Variants in PKNOX2 observed in about 807,000 individuals in gnomAD.
The protein encoded by PKNOX2 is homeobox protein PKNOX2.
In PKNOX2, 14 loss-of-function variants were observed where a neutral mutation model predicts 53.1. That is an observed-to-expected ratio of 0.26 (90% CI 0.17 to 0.41). The LOEUF (loss-of-function observed/expected upper bound fraction) is 0.41. PKNOX2 is among the 10% of genes least tolerant of loss of function. The probability of loss-of-function intolerance (pLI) is 1.00; values close to 1 mark genes in which losing one functional copy is unlikely to be tolerated. For synonymous variants in PKNOX2, 257 were observed against 242.8 expected, an observed-to-expected ratio of 1.06 and a Z score of -0.54; for missense variants, 496 against 602.8, an observed-to-expected ratio of 0.82 and a Z score of 1.85.
At chr11:125,318,273 A>AT (rs906412845) in intron 2 of PKNOX2, among the ~76,000 whole-genome samples, 5,671 of 133,356 alleles carry the variant, frequency 0.043, 194 homozygotes, top group African/African-American at 0.083. Flanking sequence ...TGCCTGGCTA[A>AT]TTTTTTTTTT....
At chr11:125,410,400 G>C in intron 8 of PKNOX2, 75 bp downstream of exon 8, 3 of 1,587,444 alleles carry the variant, frequency 1.9e-6, no homozygotes, top group Non-Finnish European at 1.7e-6. Flanking sequence ...GGCGGTTCCA[G>C]GGGTGGGGGT....
chr11:125,323,560 A>C (rs1377939693), intron 2 of PKNOX2, among the ~76,000 whole-genome samples: 1 of 152,236 alleles, frequency 6.6e-6, no homozygotes, highest in Non-Finnish European at 1.5e-5. Flanking sequence ...TGGTCATCAC[A>C]GGAGGAAATA....
chr11:125,349,648 T>G (rs1276229683), intron 3 of PKNOX2, among the ~76,000 whole-genome samples: 1 of 151,702 alleles, frequency 6.6e-6, no homozygotes, highest in East Asian at 1.9e-4. Flanking sequence ...TAGCCATGCC[T>G]CATTCATCTG....
At chr11:125,406,006 A>T (rs1185323803) in intron 7 of PKNOX2, among the ~76,000 whole-genome samples, 3 of 152,200 alleles carry the variant, frequency 2.0e-5, no homozygotes, top group African/African-American at 7.2e-5. Flanking sequence ...GGGTGCTGAA[A>T]AAAGTAACTA....
intron 2 of PKNOX2, among the ~76,000 whole-genome samples, chr11:125,269,429 A>G (rs757472546): frequency 1.3e-5 from 2 of 152,196 alleles, no homozygotes; most frequent in Non-Finnish European, 2.9e-5. Context: ...TATGCAAAAT[A>G]TATATTAGAA....
At chr11:125,198,816 C>G (rs1591478188) in intron 1 of PKNOX2, among the ~76,000 whole-genome samples, 1 of 151,020 alleles carries the variant, frequency 6.6e-6, no homozygotes, top group South Asian at 2.1e-4. Context: ...GCCTCCTCCT[C>G]CTCTTCCTTC....
rs1954277645 is a variant in PKNOX2 at position 125,394,711 on chromosome 11, G to C, written c.400-3163G>C. On this transcript the variant is annotated intron_variant, in intron 6 of 12. Coordinates refer to ENST00000298282, the MANE Select transcript of PKNOX2 (RefSeq NM_001382323.2). The stretch of plus-strand genomic sequence containing the variant: ...CTAGGCATCCAGGAGCTAGCCAAAA[G>C]CTAGGAGGGTGGGACTAAAAAGAGA... Among the ~76,000 whole-genome samples the C allele has an allele frequency of 2.0e-5, 3 of 152,184 alleles. No individual in the cohort carries two copies. In the South Asian group the frequency reaches 6.2e-4, roughly 32 times the overall value.
intron 2 of PKNOX2, among the ~76,000 whole-genome samples, chr11:125,276,926 G>A (rs1283445311): frequency 6.6e-6 from 1 of 152,212 alleles, no homozygotes; most frequent in Non-Finnish European, 1.5e-5. Flanking sequence ...ACAATGCAAG[G>A]AGAGCTGCAA....
At chr11:125,383,568 G>A (rs896848905) in intron 5 of PKNOX2, among the ~76,000 whole-genome samples, 4 of 151,948 alleles carry the variant, frequency 2.6e-5, no homozygotes, top group African/African-American at 9.7e-5. Flanking sequence ...AGTGAGCCAA[G>A]ATCATGCCAC....
chr11:125,182,843 G>A (rs999021680), intron 1 of PKNOX2, among the ~76,000 whole-genome samples: 1 of 152,200 alleles, frequency 6.6e-6, no homozygotes, highest in Non-Finnish European at 1.5e-5. Context: ...TTGGAGAACT[G>A]CTCCTGTCCC....
chr11:125,307,154 C>T (rs978139313), intron 2 of PKNOX2, among the ~76,000 whole-genome samples: 12 of 152,180 alleles, frequency 7.9e-5, no homozygotes, highest in South Asian at 2.1e-4. Context: ...TAGCACAAAG[C>T]AGATACTCAT....
intron 1 of PKNOX2, among the ~76,000 whole-genome samples, chr11:125,189,397 A>ATG (rs67335450): frequency 7.0e-5 from 4 of 57,330 alleles, no homozygotes; most frequent in South Asian, 6.0e-4. Context: ...GTATATATAT[A>ATG]TGTGTGTATA....
intron 1 of PKNOX2, among the ~76,000 whole-genome samples, chr11:125,198,001 G>T (rs1348977610): frequency 6.6e-6 from 1 of 152,364 alleles, no homozygotes; most frequent in African/African-American, 2.4e-5. Flanking sequence ...ATGCAGGGAA[G>T]CAGCTGGGCT....
intron 10 of PKNOX2, among the ~76,000 whole-genome samples, chr11:125,415,880 A>G (rs1173279933): frequency 6.6e-6 from 1 of 152,258 alleles, no homozygotes; most frequent in African/African-American, 2.4e-5. Context: ...AATTTAAAAG[A>G]TGGACATACC....
chr11:125,238,251 A>G (rs1942884145), intron 2 of PKNOX2, among the ~76,000 whole-genome samples: 3 of 152,178 alleles, frequency 2.0e-5, no homozygotes, highest in Admixed American at 2.0e-4. Context: ...GCTAACACCA[A>G]AGGGGAGGGG....
At position 125,352,117 on chromosome 11, in the gene PKNOX2, G is replaced by C. The variant is rs1951358519; in HGVS notation, c.87+725G>C. Among the ~76,000 whole-genome samples the C allele has an allele frequency of 6.6e-6, 1 of 152,080 alleles. No homozygotes were observed. Among genetic ancestry groups the C allele is most frequent in the South Asian group, 2.1e-4 (1 of 4,802 alleles). ...CTGGAAGCCTGCCCAGCTTGTGGGG[G>C]CTGCCCTCCTACATCCTTTAGACCA... On this transcript the variant is annotated intron_variant, in intron 4 of 12. Coordinates refer to ENST00000298282, the MANE Select transcript of PKNOX2 (RefSeq NM_001382323.2). This position sits in a 1 kb window ranked among gnomAD's most constrained non-coding sequence, Gnocchi z 4.1.
At chr11:125,198,887 C>T (rs540464311) in intron 1 of PKNOX2, among the ~76,000 whole-genome samples, 1 of 148,106 alleles carries the variant, frequency 6.8e-6, no homozygotes, top group East Asian at 2.0e-4. Context: ...GTTTCCTAGG[C>T]TGGAGTGTGG....
At chr11:125,182,163 AC>A (rs1174088598) in intron 1 of PKNOX2, among the ~76,000 whole-genome samples, 1 of 152,122 alleles carries the variant, frequency 6.6e-6, no homozygotes, top group Non-Finnish European at 1.5e-5. Flanking sequence ...TTGTCTAACC[AC>A]CCCAGTTTGC....
intron 1 of PKNOX2, among the ~76,000 whole-genome samples, chr11:125,179,515 C>A (rs1437563038): frequency 1.1e-5 from 1 of 88,904 alleles, no homozygotes; most frequent in African/African-American, 4.7e-5. Flanking sequence ...AGTTGAAGGC[C>A]CCCCGGCAGG....
Sources: allele counts gnomAD v4.1 joint callset (sites outside exome capture counted in the v4.1 genomes callset), GRCh38; gene constraint gnomAD v4.1.1; non-coding constraint Gnocchi (gnomAD v3.1); transcripts MANE v1.5; gene names NCBI Gene and HGNC (gene_info 2026-07-23, HGNC 2026-07-21).